INTS4: variants seen among roughly 807,000 people sequenced by gnomAD.
INTS4 encodes the protein integrator complex subunit 4, also known as MSTP093.
In INTS4, 70 loss-of-function variants were observed where a neutral mutation model predicts 119.5. That is an observed-to-expected ratio of 0.59 (90% CI 0.48 to 0.71). The LOEUF is 0.71. Ranked by LOEUF, INTS4 falls within the 30% of genes least tolerant of loss-of-function variation. The probability of loss-of-function intolerance (pLI) is 0.00; values close to 1 mark genes in which losing one functional copy is unlikely to be tolerated. For synonymous variants in INTS4, 316 were observed against 419.6 expected (o/e 0.75, Z 3.02); for missense variants, 867 against 1,173.2 (o/e 0.74, Z 3.81).
At chr11:77,962,323 G>A (rs887469055) in intron 4 of INTS4, among the ~76,000 whole-genome samples, 4 of 152,172 alleles carry the variant, frequency 2.6e-5, no homozygotes, top group African/African-American at 9.7e-5. Context: ...CATAATGGCT[G>A]TACTAATTTA....
At chr11:77,937,167 C>T (rs994694223) in intron 10 of INTS4, among the ~76,000 whole-genome samples, 2 of 151,040 alleles carry the variant, frequency 1.3e-5, no homozygotes, top group African/African-American at 4.9e-5. Flanking sequence ...ACTCTGTCCC[C>T]GCCACACCCC....
intron 12 of INTS4, among the ~76,000 whole-genome samples, chr11:77,923,390 G>A (rs1428546391): frequency 4.0e-5 from 6 of 149,794 alleles, no homozygotes; most frequent in Middle Eastern, 7.1e-3. Context: ...GTTGAATGAC[G>A]AATCCTGAAA....
At position 77,955,881 on chromosome 11, in the gene INTS4, T is replaced by C. The variant is rs192784447; in HGVS notation, c.918+61A>G. The C allele has an allele frequency of 1.2e-4, 182 of 1,503,280 alleles. 1 individual carries two copies. In the African/African-American group the frequency reaches 2.2e-3, roughly 18 times the overall value. The allele number at this position is 1,503,280 out of a possible 1,614,324, so 93.1% of individuals were successfully genotyped here. ...CAACCTGGGCCACACAGTCCTCATT[T>C]CTACAGAAAAGAAAATAAATATATA... is the stretch of plus-strand genomic sequence containing the variant. On this transcript the variant is annotated intron_variant, in intron 8 of 22. Coordinates refer to ENST00000534064, the MANE Select transcript of INTS4 (RefSeq NM_033547.4).
chr11:77,938,607 C>A (rs757466592), intron 10 of INTS4, 44 bp downstream of exon 10: 8 of 1,583,066 alleles, frequency 5.1e-6, no homozygotes, highest in Non-Finnish European at 6.9e-6. Flanking sequence ...TGACACACAG[C>A]AGTCACTTAA....
In INTS4 at chr11:77,956,737, TAATAATAATAATAATAATAATAAAC is replaced by T. The variant is rs1954336137; in HGVS notation, c.798-700_798-676del. ...ATAATAATAATAATAATAATAATAA[TAATAATAATAATAATAATAATAAAC>T]AAATAAATACATAAGTAAGTAAGGC... is the stretch of plus-strand genomic sequence containing the variant. On this transcript the variant is annotated intron_variant, in intron 7 of 22. Transcript: ENST00000534064. Among the ~76,000 whole-genome samples the T allele has an allele frequency of 5.8e-5, 2 of 34,206 alleles. 1 individual carries two copies. The allele number at this position is 34,206 out of a possible 152,430, so 22.4% of individuals were successfully genotyped here.
intron 12 of INTS4, among the ~76,000 whole-genome samples, chr11:77,923,766 GT>G (rs201749638): frequency 0.35 from 48,015 of 135,968 alleles, 7,701 homozygotes; most frequent in African/African-American, 0.4. Flanking sequence ...ATTGTTTATG[GT>G]TTTTTTTTTT....
At chr11:77,933,549 G>T (rs1207182310) in intron 10 of INTS4, among the ~76,000 whole-genome samples, 1 of 152,182 alleles carries the variant, frequency 6.6e-6, no homozygotes, top group Admixed American at 6.5e-5. Context: ...AGGCTGGAGT[G>T]CAGTGGCGTG....
At chr11:77,898,132 T>G (rs1952611579) in intron 18 of INTS4, among the ~76,000 whole-genome samples, 1 of 152,122 alleles carries the variant, frequency 6.6e-6, no homozygotes, top group Non-Finnish European at 1.5e-5. Flanking sequence ...GTTATTATTA[T>G]TTTTTGCTCA....
downstream of INTS4, chr11:77,876,815 G>A (rs56214713): frequency 2.7e-3 from 1,605 of 597,158 alleles, 20 homozygotes; most frequent in African/African-American, 0.028. Context: ...TGGAAAATGA[G>A]GGCTAACTTG....
intron 2 of INTS4, 74 bp downstream of exon 2, chr11:77,991,034 G>T: frequency 7.7e-7 from 1 of 1,290,894 alleles, no homozygotes; most frequent in Non-Finnish European, 1.1e-6. Flanking sequence ...CTATTTATTT[G>T]TAATATTAAC....
intron 9 of INTS4, 62 bp downstream of exon 9, chr11:77,941,118 G>A: frequency 6.3e-7 from 1 of 1,588,226 alleles, no homozygotes; most frequent in Non-Finnish European, 8.5e-7. Context: ...ACACAACTCA[G>A]CATACTGCCC....
At chr11:77,883,643 G>A (rs1187244131) in intron 22 of INTS4, among the ~76,000 whole-genome samples, 189 bp downstream of exon 22, 5 of 152,070 alleles carry the variant, frequency 3.3e-5, no homozygotes. Context: ...TCAAAGCACT[G>A]TAGCAAATTA....
Position 77,961,070 on chromosome 11 carries a change from C to T in INTS4, c.540G>A (p.Leu180=). 6.2e-7 allele frequency: 1 copy of T among 1,606,060 alleles called. No individual in the cohort carries two copies. Among genetic ancestry groups the T allele is most frequent in the Non-Finnish European group, 8.5e-7 (1 of 1,178,566 alleles). The change falls in exon 5 of 23, where the codon TTG becomes TTA. Residue 180 remains leucine (L), a synonymous_variant. Coordinates refer to ENST00000534064, the MANE Select transcript of INTS4 (RefSeq NM_033547.4). ...CTGCATCTTTTGTGACACTTTTCTC[C>T]AAAGAGCCAAGATTGCCAAGTAACT... The part of the protein sequence containing the change: ...CLQLLGNLGS[L]EKSVTKDAEG...
chr11:77,991,223 C>G lies in INTS4; in HGVS notation c.131G>C (p.Cys44Ser). 2 of 1,614,174 alleles carry G rather than the reference C, an allele frequency of 1.2e-6. No homozygotes were observed. Among genetic ancestry groups the G allele is most frequent in the Non-Finnish European group, 8.5e-7 (1 of 1,180,016 alleles). Residue 44 changes from cysteine to serine, a missense_variant, in exon 2 of 23, where the codon TGT becomes TCT. Physicochemically the swap from Cys to Ser is moderately radical, Grantham distance 112. Around this residue, in one of 5 missense-constraint regions of INTS4, gnomAD observed 224 missense variants for 231.8 expected, o/e 0.97. Coordinates refer to ENST00000534064, the MANE Select transcript of INTS4 (RefSeq NM_033547.4). ...AGCATCTGCTGGGGAGGTAGCTTTA[C>G]ACAGATCTATGTGGAGTGCTGCAGA... is the stretch of plus-strand genomic sequence containing the variant. ...SKSAALHIDL[C>S]KATSPADALQ...
In INTS4 at chr11:77,879,064, C is replaced by T. The variant is rs1951690702; in HGVS notation, c.2777G>A (p.Cys926Tyr). 2.5e-6 allele frequency: 4 copies of T among 1,614,080 alleles called. No homozygotes were observed. Among genetic ancestry groups the T allele is most frequent in the East Asian group, 4.5e-5 (2 of 44,892 alleles). ...AYNSSARIPK[C>Y]PWMEGGEMSP... Reference sequence around the variant, plus strand: ...CATCTCACCACCCTCCATCCAGGGGCATTTTGGAATGCGAGCACTGGAGTT... The same window carrying T: ...CATCTCACCACCCTCCATCCAGGGGTATTTTGGAATGCGAGCACTGGAGTT... The change falls in exon 23 of 23, where the codon TGC becomes TAC. Residue 926 changes from cysteine (C) to tyrosine (Y), a missense_variant. Cys to Tyr is a radical substitution (Grantham distance 194). Transcript: ENST00000534064.
intron 8 of INTS4, among the ~76,000 whole-genome samples, chr11:77,952,718 A>C (rs1308406674): frequency 6.6e-6 from 1 of 152,234 alleles, no homozygotes; most frequent in African/African-American, 2.4e-5. Context: ...ATTCAAGTAG[A>C]AATTTCAATG....
At chr11:77,901,894 G>A (rs1331778501) in intron 17 of INTS4, among the ~76,000 whole-genome samples, 1 of 151,786 alleles carries the variant, frequency 6.6e-6, no homozygotes, top group Non-Finnish European at 1.5e-5. Context: ...TATATATTAT[G>A]TATGGAAACC....
chr11:77,962,646 C>A lies in INTS4; in HGVS notation c.472-1508G>T, dbSNP rs114084542. Among the ~76,000 whole-genome samples, 658 of 151,850 alleles carry A rather than the reference C, an allele frequency of 4.3e-3. 3 individuals are homozygous for A. The highest frequency in any genetic ancestry group is 0.015 in the African/African-American group (623 of 41,378). ...ACAGTACATAAAAACAGACATACAG[C>A]AAGTTTAACAAAACAATATTTACCT... On this transcript the variant is annotated intron_variant, in intron 4 of 22. Transcript: ENST00000534064.
chr11:77,975,402 A>T (rs1855905398), intron 4 of INTS4, among the ~76,000 whole-genome samples: 1 of 152,112 alleles, frequency 6.6e-6, no homozygotes, highest in African/African-American at 2.4e-5. Context: ...CTGTTAACTA[A>T]TTTATAATTT....
Sources: gnomAD v4.1 joint callset for allele counts (sites outside exome capture counted in the v4.1 genomes callset) on GRCh38, gnomAD v4.1.1 for gene constraint, gnomAD v4.1.1 regional missense constraint, MANE v1.5 for transcripts, NCBI Gene and HGNC (gene_info 2026-07-23, HGNC 2026-07-21) for gene names.